CARMIL1: variants seen among roughly 807,000 people sequenced by gnomAD.
The protein encoded by CARMIL1 is F-actin-uncapping protein LRRC16A.
CARMIL1 carries 90 observed loss-of-function variants against 177.1 expected under a neutral mutation model. That is an observed-to-expected ratio of 0.51 (90% CI 0.43 to 0.61). The LOEUF (loss-of-function observed/expected upper bound fraction) is 0.61. CARMIL1 is among the 20% of genes least tolerant of loss of function. CARMIL1 has a pLI of 0.00. For missense variants in CARMIL1, 1,380 were observed against 1,667.0 expected, an observed-to-expected ratio of 0.83 and a Z score of 3.00; for synonymous variants, 577 against 606.2, an observed-to-expected ratio of 0.95 and a Z score of 0.71.
At chr6:25,517,012 A>G (rs1206017885) in intron 21 of CARMIL1, among the ~76,000 whole-genome samples, 1 of 152,252 alleles carries the variant, frequency 6.6e-6, no homozygotes. Flanking sequence ...AGACATAAAT[A>G]TAAGAATATG....
At chr6:25,451,995 T>TCCCCCCCCCCCCCCC (rs748360806) in intron 8 of CARMIL1, 8 of 144,274 alleles carry the variant, frequency 5.5e-5, no homozygotes, top group Non-Finnish European at 9.8e-5. Context: ...TGCCCCCCCC[T>TCCCCCCCCCCCCCCC]CCCCCCCCCA....
At chr6:25,388,661 G>A (rs952956841) in intron 2 of CARMIL1, among the ~76,000 whole-genome samples, 22 of 151,964 alleles carry the variant, frequency 1.4e-4, no homozygotes, top group Non-Finnish European at 2.9e-4. Context: ...ACCGCACCTG[G>A]CCTTTTTTTA....
At chr6:25,422,906 T>A (rs1795976268) in intron 3 of CARMIL1, among the ~76,000 whole-genome samples, 2 of 152,158 alleles carry the variant, frequency 1.3e-5, no homozygotes, top group Non-Finnish European at 2.9e-5. Context: ...CTCCGTCCTG[T>A]GATGTATATA....
chr6:25,420,044 G>A (rs972296856), intron 2 of CARMIL1, 70 bp from the exon 3 acceptor site: 59 of 1,206,334 alleles, frequency 4.9e-5, no homozygotes, highest in Admixed American at 4.5e-4. Flanking sequence ...TTAAAGTCCC[G>A]TGGAAACACC....
At chr6:25,399,143 T>C (rs1320546292) in intron 2 of CARMIL1, among the ~76,000 whole-genome samples, 10 of 152,216 alleles carry the variant, frequency 6.6e-5, no homozygotes, top group African/African-American at 2.2e-4. Context: ...TACTTTTTGA[T>C]ACTTATGTAA....
rs578076496 is a variant in CARMIL1 at position 25,435,540 on chromosome 6, G to A, written c.307G>A (p.Val103Met). 170 of 1,557,120 alleles carry A rather than the reference G, an allele frequency of 1.1e-4. No individual in the cohort carries two copies. The Middle Eastern group carries it at 1.5e-3, about 14-fold the overall frequency. Residue 103 changes from valine to methionine, a missense_variant, in exon 5 of 37, where the codon GTG becomes ATG. By Grantham distance (21) the Val-to-Met change is conservative. Transcript: ENST00000329474. ...CATGAAGATGGCGTCACCCGAGGAC[G>A]TGAGTGAGGTGCTGGCTCACATAGG... is the stretch of plus-strand genomic sequence containing the variant. ...ISMKMASPED[V>M]SEVLAHIGTC... is the part of the protein sequence containing the mutation.
chr6:25,358,348 G>A (rs533740434), intron 2 of CARMIL1, among the ~76,000 whole-genome samples: 1 of 152,298 alleles, frequency 6.6e-6, no homozygotes, highest in East Asian at 1.9e-4. Context: ...TATAAAGGTA[G>A]GAGAGGTATT....
intron 2 of CARMIL1, among the ~76,000 whole-genome samples, chr6:25,314,207 C>T (rs1581534043): frequency 7.9e-6 from 1 of 126,260 alleles, no homozygotes; most frequent in Non-Finnish European, 1.7e-5. Context: ...TCCACCCACC[C>T]GCCTCGGCCT....
intron 29 of CARMIL1, among the ~76,000 whole-genome samples, chr6:25,566,511 CT>C (rs1811566163): frequency 6.6e-6 from 1 of 152,242 alleles, no homozygotes; most frequent in African/African-American, 2.4e-5. Context: ...TCCAGTGTTT[CT>C]TTCTCAGAAG....
intron 8 of CARMIL1, among the ~76,000 whole-genome samples, chr6:25,459,269 T>TCTTTCTTTCTTTC (rs56094712): frequency 1.6e-3 from 183 of 117,984 alleles, no homozygotes; most frequent in South Asian, 2.7e-3. Context: ...TTTCTTTCTT[T>TCTTTCTTTCTTTC]TTTTTTTTTT....
At position 25,388,951 on chromosome 6, in the gene CARMIL1, G is replaced by A. The variant is rs550550251; in HGVS notation, c.139-31163G>A. Among the ~76,000 whole-genome samples the A allele has an allele frequency of 7.9e-5, 12 of 152,238 alleles. No homozygotes were observed. In the East Asian group the frequency reaches 2.3e-3, roughly 29 times the overall value. ...TCCTGTGTCGGCCTCCAAAAGTGCT[G>A]AGATTACAGACATGAGCCACCACAC... On this transcript the variant is annotated intron_variant, in intron 2 of 36. Transcript: ENST00000329474.
chr6:25,424,358 G>A (rs1282956969), intron 3 of CARMIL1, among the ~76,000 whole-genome samples: 1 of 152,054 alleles, frequency 6.6e-6, no homozygotes, highest in Non-Finnish European at 1.5e-5. Flanking sequence ...TCTACTCCAG[G>A]GACAGCACTC....
intron 23 of CARMIL1, among the ~76,000 whole-genome samples, chr6:25,522,387 C>T (rs539343603): frequency 6.6e-6 from 1 of 152,176 alleles, no homozygotes; most frequent in African/African-American, 2.4e-5. Context: ...CTCTGGCCAA[C>T]TCTTTTGTTT....
rs2150639980 is a variant in CARMIL1 at position 25,411,627 on chromosome 6, G to T, written c.139-8487G>T. Among the ~76,000 whole-genome samples the T allele has an allele frequency of 3.9e-5, 6 of 152,302 alleles. 1 individual carries two copies. Among genetic ancestry groups the T allele is most frequent in the Admixed American group, 3.9e-4 (6 of 15,300 alleles). The stretch of plus-strand genomic sequence containing the variant: ...ACTTGCAATAGTGTGACTTTGGAAA[G>T]AATGAAGTGATTGTGTCTGGCATGC... On this transcript the variant is annotated intron_variant, in intron 2 of 36. Transcript: ENST00000329474.
At chr6:25,556,170 C>G (rs908616001) in intron 28 of CARMIL1, among the ~76,000 whole-genome samples, 4 of 152,150 alleles carry the variant, frequency 2.6e-5, no homozygotes. Flanking sequence ...GTCAGATCAG[C>G]TCAGCACTGA....
At position 25,515,473 on chromosome 6, in the gene CARMIL1, C is replaced by T. The variant is rs1562237917; in HGVS notation, c.1633-202C>T. The stretch of plus-strand genomic sequence containing the variant: ...AAGTGGTAGGTATTCAGCATTAAAA[C>T]ACAAGTTCTCCATCTTTGACTCCAG... On this transcript the variant is annotated intron_variant, in intron 20 of 36. Transcript: ENST00000329474. The surrounding 1 kb of genome is among the most constrained non-coding windows in gnomAD (Gnocchi z 5.0). 6.6e-6 allele frequency among the ~76,000 whole-genome samples: 1 copy of T among 152,186 alleles called. No individual in the cohort carries two copies. Among genetic ancestry groups the T allele is most frequent in the Non-Finnish European group, 1.5e-5 (1 of 68,030 alleles).
At chr6:25,362,141 G>C (rs1172499437) in intron 2 of CARMIL1, among the ~76,000 whole-genome samples, 1 of 152,150 alleles carries the variant, frequency 6.6e-6, no homozygotes, top group Non-Finnish European at 1.5e-5. Flanking sequence ...CTTGTAAGCA[G>C]CTCCCCCTCA....
In CARMIL1 at chr6:25,435,533, C is replaced by G; in HGVS notation, c.300C>G (p.Pro100=). The G allele has an allele frequency of 5.8e-6, 9 of 1,555,140 alleles. No homozygotes were observed. Among genetic ancestry groups the G allele is most frequent in the Non-Finnish European group, 7.8e-6 (9 of 1,148,640 alleles). ...GCATTTCCATGAAGATGGCGTCACC[C>G]GAGGACGTGAGTGAGGTGCTGGCTC... ...KCSISMKMAS[P]EDVSEVLAHI... The change falls in exon 5 of 37, where the codon CCC becomes CCG. Residue 100 remains proline, a synonymous_variant. Transcript: ENST00000329474.
At chr6:25,308,450 C>T (rs1408549771) in intron 2 of CARMIL1, among the ~76,000 whole-genome samples, 6 of 147,512 alleles carry the variant, frequency 4.1e-5, no homozygotes, top group East Asian at 2.0e-4. Flanking sequence ...GGCACGATCT[C>T]GGCTTACTGC....
Sources: gnomAD v4.1 joint callset for allele counts (sites outside exome capture counted in the v4.1 genomes callset) on GRCh38, gnomAD v4.1.1 for gene constraint, Gnocchi (gnomAD v3.1) non-coding constraint, MANE v1.5 for transcripts, NCBI Gene and HGNC (gene_info 2026-07-23, HGNC 2026-07-21) for gene names.